The following PDE10A variants were observed in gnomAD, a reference collection of about 807,000 sequenced individuals.
The protein encoded by PDE10A is phosphodiesterase 10A.
In PDE10A, 39 loss-of-function variants were observed where a neutral mutation model predicts 97.7. The ratio of observed to expected loss-of-function variants is 0.40; its 90% CI spans 0.31 to 0.52. The LOEUF is 0.52. PDE10A is among the 20% of genes least tolerant of loss of function. PDE10A has a pLI of 0.56. For missense variants in PDE10A, 731 were observed against 1,047.8 expected (o/e 0.70, Z 4.17); for synonymous variants, 371 against 376.8 (o/e 0.98, Z 0.18).
intron 1 of PDE10A, among the ~76,000 whole-genome samples, chr6:165,945,822 A>T (rs553873927): frequency 1.3e-5 from 2 of 152,274 alleles, no homozygotes; most frequent in African/African-American, 4.8e-5. Flanking sequence ...CTCTATATAC[A>T]TATGGCAAAC....
chr6:165,772,106 T>C (rs1015108065), intron 1 of PDE10A, among the ~76,000 whole-genome samples: 38 of 152,352 alleles, frequency 2.5e-4, no homozygotes, highest in Admixed American at 2.1e-3. Flanking sequence ...TAAAATAGTG[T>C]TTAACTCTGA....
intron 1 of PDE10A, among the ~76,000 whole-genome samples, chr6:165,659,438 G>A (rs951812156): frequency 6.6e-6 from 1 of 152,162 alleles, no homozygotes; most frequent in South Asian, 2.1e-4. Flanking sequence ...TAGCAATTCA[G>A]ACCAGTGGCT....
intron 1 of PDE10A, among the ~76,000 whole-genome samples, chr6:165,649,777 C>T (rs6901252): frequency 0.08 from 12,102 of 152,200 alleles, 741 homozygotes; most frequent in South Asian, 0.2. Flanking sequence ...ACTGGAGAAG[C>T]GCTAGTATCT....
At chr6:165,970,921 T>A (rs1583373588) in intron 1 of PDE10A, among the ~76,000 whole-genome samples, 1 of 152,296 alleles carries the variant, frequency 6.6e-6, no homozygotes, top group East Asian at 1.9e-4. Context: ...CCAAGGCAGG[T>A]GGATTACCTG....
intron 1 of PDE10A, among the ~76,000 whole-genome samples, chr6:165,623,495 GGA>G (rs201893782): frequency 7.7e-6 from 1 of 129,974 alleles, no homozygotes; most frequent in Admixed American, 7.2e-5. Flanking sequence ...GATGACAGAG[GGA>G]GAGAGAGAGA....
chr6:165,557,095 T>C, intron 1 of PDE10A, among the ~76,000 whole-genome samples: 1 of 152,014 alleles, frequency 6.6e-6, no homozygotes. Context: ...GTCGAGGTCG[T>C]GCCACTGCAC....
At chr6:165,546,989 C>T (rs2128326188) in intron 1 of PDE10A, among the ~76,000 whole-genome samples, 1 of 152,042 alleles carries the variant, frequency 6.6e-6, no homozygotes, top group East Asian at 1.9e-4. Context: ...TATCAGTGTA[C>T]AATAAAAGGA....
chr6:165,602,177 C>T (rs373107103), intron 1 of PDE10A, among the ~76,000 whole-genome samples: 5 of 152,276 alleles, frequency 3.3e-5, no homozygotes, highest in South Asian at 4.1e-4. Context: ...AAGTAAGGCA[C>T]GCTGCAACCT....
rs115724809 is a variant in PDE10A, at chr6:165,809,163, C to T, written c.-615+178366G>A. On this transcript the variant is annotated intron_variant, in intron 1 of 19. Transcript: ENST00000366882. ...ACGTTCTCTGAGGCCCTGGGACCTG[C>T]GATGCTAGTGAGAAAATTAAGCTTG... Among the ~76,000 whole-genome samples the T allele has an allele frequency of 8.0e-3, 1,222 of 152,278 alleles. 17 individuals carry two copies. Among genetic ancestry groups the T allele is most frequent in the African/African-American group, 0.028 (1,157 of 41,552 alleles).
chr6:165,932,030 C>G (rs944159603), intron 1 of PDE10A, among the ~76,000 whole-genome samples: 1 of 152,142 alleles, frequency 6.6e-6, no homozygotes, highest in East Asian at 1.9e-4. Context: ...TTGGCAAGTG[C>G]GGGTGAACGG....
intron 1 of PDE10A, among the ~76,000 whole-genome samples, chr6:165,748,084 G>T (rs1792884531): frequency 6.6e-6 from 1 of 152,180 alleles, no homozygotes; most frequent in African/African-American, 2.4e-5. Flanking sequence ...TAGGGAACAT[G>T]CCTGCTCACA....
At chr6:165,535,532 T>C (rs1783030231) in intron 2 of PDE10A, among the ~76,000 whole-genome samples, 1 of 151,892 alleles carries the variant, frequency 6.6e-6, no homozygotes, top group Non-Finnish European at 1.5e-5. Flanking sequence ...GTTCCATCCA[T>C]GTTGCTGCAA....
chr6:165,518,602 T>C (rs1781954138), intron 2 of PDE10A, among the ~76,000 whole-genome samples: 1 of 152,204 alleles, frequency 6.6e-6, no homozygotes, highest in Non-Finnish European at 1.5e-5. Flanking sequence ...ACAGTAGTGA[T>C]GCTGGCAATT....
chr6:165,621,291 A>G (rs1177862384), intron 1 of PDE10A, among the ~76,000 whole-genome samples: 1 of 142,054 alleles, frequency 7.0e-6, no homozygotes, highest in African/African-American at 3.0e-5. Context: ...TAGCAAATTT[A>G]AGCTTTCAAA....
At chr6:165,821,798 C>T (rs1198611089) in intron 1 of PDE10A, among the ~76,000 whole-genome samples, 1 of 152,200 alleles carries the variant, frequency 6.6e-6, no homozygotes, top group African/African-American at 2.4e-5. Context: ...CCATCTCGGC[C>T]TCCCAAAGTG....
rs956940102 is a variant in PDE10A at position 165,649,043 on chromosome 6, C to A, written c.865+12904G>T. 2.0e-5 allele frequency among the ~76,000 whole-genome samples: 3 copies of A among 152,142 alleles called. No homozygotes were observed. In the East Asian group the frequency reaches 5.8e-4, roughly 29 times the overall value. On this transcript the variant is annotated intron_variant, in intron 1 of 21. Transcript: ENST00000539869. ...TCTCCTGTGAGAAAGGGGTGCCCTG[C>A]AGAAAGAGAACTAGGTGAGTGCACA...
At chr6:165,843,811 G>T (rs1252297954) in intron 1 of PDE10A, among the ~76,000 whole-genome samples, 1 of 152,226 alleles carries the variant, frequency 6.6e-6, no homozygotes, top group African/African-American at 2.4e-5. Context: ...TCCCGGAGGG[G>T]CAGGGCAGTC....
chr6:165,780,577 C>T (rs1175508226), intron 1 of PDE10A: 1 of 152,280 alleles, frequency 6.6e-6, no homozygotes, highest in Non-Finnish European at 1.5e-5. Flanking sequence ...GCAGATTCCT[C>T]TCTCCTCCAT....
intron 1 of PDE10A, among the ~76,000 whole-genome samples, chr6:165,855,937 A>G (rs73033998): frequency 0.037 from 5,634 of 152,294 alleles, 119 homozygotes; most frequent in Middle Eastern, 0.054. Flanking sequence ...ATTTAATGCC[A>G]GCAGACCTTT....
Sources: gnomAD v4.1 joint callset for allele counts (sites outside exome capture counted in the v4.1 genomes callset) on GRCh38, gnomAD v4.1.1 for gene constraint, MANE v1.5 for transcripts, NCBI Gene and HGNC (gene_info 2026-07-23, HGNC 2026-07-21) for gene names.